The following WDR49 variants were observed in gnomAD, a reference collection of about 807,000 sequenced individuals.
The protein encoded by WDR49 is WD repeat domain 49, also known as cilia- and flagella-associated protein 337.
In WDR49, 107 loss-of-function variants were observed where a neutral mutation model predicts 119.5. The ratio of observed to expected loss-of-function variants is 0.90; its 90% CI spans 0.77 to 1.05. The LOEUF (loss-of-function observed/expected upper bound fraction) is 1.05, where lower values mean the gene tolerates loss of function less well. Ranked by LOEUF, WDR49 falls within the 50% of genes least tolerant of loss-of-function variation. The pLI is 0.00. For missense variants in WDR49, 1,240 were observed against 1,220.5 expected (o/e 1.02, Z -0.24); for synonymous variants, 425 against 418.8 (o/e 1.01, Z -0.18).
intron 5 of WDR49, among the ~76,000 whole-genome samples, chr3:167,611,866 G>C (rs1577276367): frequency 2.6e-5 from 4 of 152,220 alleles, no homozygotes; most frequent in East Asian, 3.9e-4. Flanking sequence ...TGAAGAGAGA[G>C]ATAGGCCTTG....
chr3:167,567,856 A>T (rs1713696623), intron 8 of WDR49, among the ~76,000 whole-genome samples: 1 of 152,242 alleles, frequency 6.6e-6, no homozygotes, highest in Non-Finnish European at 1.5e-5. Flanking sequence ...CTTCAAGGAC[A>T]AAGTATTGAA....
intron 8 of WDR49, among the ~76,000 whole-genome samples, chr3:167,564,284 C>T (rs536892721): frequency 6.6e-6 from 1 of 152,294 alleles, no homozygotes; most frequent in South Asian, 2.1e-4. Flanking sequence ...TTGAAACTGA[C>T]TATGTCTCAA....
chr3:167,651,379 T>C (rs1718371309), intron 2 of WDR49, among the ~76,000 whole-genome samples: 1 of 152,228 alleles, frequency 6.6e-6, no homozygotes. Context: ...TTTATCCTTT[T>C]ACAGCAATCT....
intron 7 of WDR49, among the ~76,000 whole-genome samples, chr3:167,581,335 T>C (rs1714521101): frequency 6.6e-6 from 1 of 152,158 alleles, no homozygotes; most frequent in Non-Finnish European, 1.5e-5. Flanking sequence ...CACCCAATCC[T>C]AGTTTTCATC....
At chr3:167,489,463 C>T (rs1289180260) in intron 18 of WDR49, among the ~76,000 whole-genome samples, 2 of 152,102 alleles carry the variant, frequency 1.3e-5, no homozygotes, top group Admixed American at 6.6e-5. Flanking sequence ...CTTACATTCA[C>T]TATTCCCTAC....
chr3:167,499,324 G>A (rs996659742), intron 18 of WDR49, among the ~76,000 whole-genome samples: 1 of 152,182 alleles, frequency 6.6e-6, no homozygotes, highest in Non-Finnish European at 1.5e-5. Context: ...CAAGGATGAT[G>A]TTGAACCCCA....
intron 7 of WDR49, among the ~76,000 whole-genome samples, chr3:167,599,946 A>T (rs186916525): frequency 9.9e-4 from 150 of 152,240 alleles, no homozygotes; most frequent in Non-Finnish European, 1.7e-3. Flanking sequence ...CTCTTTAGTC[A>T]ACAAGTGATG....
intron 18 of WDR49, among the ~76,000 whole-genome samples, chr3:167,481,347 G>A (rs1750712227): frequency 6.6e-6 from 1 of 151,916 alleles, no homozygotes; most frequent in Admixed American, 6.6e-5. Flanking sequence ...ACTAAGGGAG[G>A]AGATGAAGAC....
intron 2 of WDR49, among the ~76,000 whole-genome samples, chr3:167,647,496 T>C (rs1053108713): frequency 3.9e-5 from 6 of 152,186 alleles, no homozygotes; most frequent in Admixed American, 3.9e-4. Context: ...ATGACGCCAT[T>C]TGCTAGCATT....
rs1275494384 is a variant in WDR49 at position 167,560,848 on chromosome 3, AC to A, written c.1510-621del. ...ACATGCACACTTTGAAAGGAAGGCA[AC>A]AAGACAAATGCTAGAAGGGAAAGGA... On this transcript the variant is annotated intron_variant, in intron 8 of 18. Coordinates refer to ENST00000682715, the MANE Select transcript of WDR49 (RefSeq NM_001366157.1). 6.6e-5 allele frequency among the ~76,000 whole-genome samples: 10 copies of A among 152,218 alleles called. No homozygotes were observed. The East Asian group carries it at 1.9e-3, about 29-fold the overall frequency.
intron 18 of WDR49, among the ~76,000 whole-genome samples, chr3:167,483,849 C>T (rs2108189731): frequency 6.6e-6 from 1 of 152,216 alleles, no homozygotes; most frequent in Admixed American, 6.5e-5. Context: ...CCCAGAAAAC[C>T]TAACCTTCAT....
At position 167,635,193 on chromosome 3, in the gene WDR49, A is replaced by G. The variant is rs1717554215; in HGVS notation, c.166-7901T>C. Among the ~76,000 whole-genome samples, 4 of 151,816 alleles carry G rather than the reference A, an allele frequency of 2.6e-5. No individual in the cohort carries two copies. In the Admixed American group the frequency reaches 2.6e-4, roughly 10 times the overall value. ...AATTATTTCCTAAGGGAAATTCTCT[A>G]GAAGCATAATTACTGAATCAAAGAA... is the stretch of plus-strand genomic sequence containing the variant. On this transcript the variant is annotated intron_variant, in intron 2 of 18. Transcript: ENST00000682715.
intron 16 of WDR49, among the ~76,000 whole-genome samples, chr3:167,515,193 A>T (rs1187526758): frequency 6.6e-6 from 1 of 152,194 alleles, no homozygotes; most frequent in Non-Finnish European, 1.5e-5. Flanking sequence ...ACGAAAAAAG[A>T]ACTTCAGCCA....
intron 5 of WDR49, among the ~76,000 whole-genome samples, chr3:167,619,367 C>T (rs954353356): frequency 6.6e-6 from 1 of 152,050 alleles, no homozygotes; most frequent in Non-Finnish European, 1.5e-5. Flanking sequence ...GCCTGTCACA[C>T]TTAGCAGATG....
Position 167,554,661 on chromosome 3 carries a change from T to A in WDR49, c.1812A>T (p.Lys604Asn). 6.5e-7 allele frequency: 1 copy of A among 1,530,994 alleles called. No homozygotes were observed. Among genetic ancestry groups the A allele is most frequent in the South Asian group, 1.2e-5 (1 of 84,152 alleles). 94.8% of individuals were successfully genotyped at this position (1,530,994 alleles called of 1,614,324 possible). ...ATTCTCCTTTTTACCTTCCTATAGTTTTCCATGAGGCATAATCATACCTCT... is the reference window on the plus strand; with the variant it reads ...ATTCTCCTTTTTACCTTCCTATAGTATTCCATGAGGCATAATCATACCTCT... ...GWERYDYASW[K>N]TIGRAITVFR... Residue 604 changes from lysine to asparagine, a missense_variant, in exon 10 of 19, where the codon AAA (lysine) becomes AAT (asparagine). Lys to Asn is a moderately conservative substitution (Grantham distance 94). Coordinates refer to ENST00000682715, the MANE Select transcript of WDR49 (RefSeq NM_001366157.1).
intron 8 of WDR49, among the ~76,000 whole-genome samples, chr3:167,564,685 G>A (rs950097318): frequency 3.3e-5 from 5 of 152,164 alleles, no homozygotes; most frequent in African/African-American, 7.2e-5. Context: ...TCAGTAGATC[G>A]TTGTTCTGAT....
chr3:167,495,247 CA>C (rs1373304028), intron 18 of WDR49, among the ~76,000 whole-genome samples: 1 of 151,346 alleles, frequency 6.6e-6, no homozygotes, highest in African/African-American at 2.4e-5. Flanking sequence ...AAACATGTTT[CA>C]AAAACAGAGG....
chr3:167,549,806 C>T (rs1345063376), intron 10 of WDR49, among the ~76,000 whole-genome samples: 1 of 152,122 alleles, frequency 6.6e-6, no homozygotes, highest in African/African-American at 2.4e-5. Flanking sequence ...AGGTTTTCTT[C>T]CAGGATGTTT....
chr3:167,625,822 CA>C (rs1341903420), intron 3 of WDR49, among the ~76,000 whole-genome samples: 1 of 151,506 alleles, frequency 6.6e-6, no homozygotes, highest in African/African-American at 2.4e-5. Context: ...TATTAAACAA[CA>C]CCATGTAGAC....
Sources: allele counts gnomAD v4.1 joint callset (sites outside exome capture counted in the v4.1 genomes callset), GRCh38; gene constraint gnomAD v4.1.1; transcripts MANE v1.5; gene names NCBI Gene and HGNC (gene_info 2026-07-23, HGNC 2026-07-21).